OGG1: variants seen among roughly 807,000 people sequenced by gnomAD.
The protein encoded by OGG1 is 8-oxoguanine DNA glycosylase.
In OGG1, 35 loss-of-function variants were observed where a neutral mutation model predicts 42.3. The observed-to-expected ratio is 0.83, with a 90% CI of 0.63 to 1.10. The LOEUF (loss-of-function observed/expected upper bound fraction) is 1.10, where lower values mean the gene tolerates loss of function less well. Ranked by LOEUF, OGG1 falls within the 50% of genes least tolerant of loss-of-function variation. The pLI is 0.00. For missense variants in OGG1, 484 were observed against 446.7 expected, an observed-to-expected ratio of 1.08 and a Z score of -0.75; for synonymous variants, 189 against 179.0, an observed-to-expected ratio of 1.06 and a Z score of -0.44.
downstream of OGG1, chr3:9,789,470 T>C (rs1348497910): frequency 1.9e-6 from 3 of 1,584,020 alleles, no homozygotes; most frequent in Non-Finnish European, 2.6e-6. Context: ...CTGAACTCTC[T>C]TGTTCCGCAT....
intron 3 of OGG1, chr3:9,786,924 A>G: frequency 7.6e-7 from 1 of 1,307,730 alleles, no homozygotes; most frequent in Non-Finnish European, 1.1e-6. Context: ...TAATAAATGT[A>G]TGATAAATTC....
downstream of OGG1, chr3:9,790,109 C>A: frequency 9.3e-7 from 1 of 1,070,530 alleles, no homozygotes; most frequent in Non-Finnish European, 1.3e-6. Context: ...TCTTACTCAT[C>A]CTTCAAAATT....
exon 8 of OGG1, chr3:9,766,654 A>G: frequency 2.8e-6 from 3 of 1,055,652 alleles, no homozygotes; most frequent in Non-Finnish European, 3.5e-6. Flanking sequence ...AACTAAAGTT[A>G]ACTGATTAAA....
rs551836197 is a variant in OGG1, at chr3:9,777,863, A to AG, written c.295-3644dup. ...AACATGGAAGTGAGTGGTTAAGAGG[A>AG]GGGGGGTCTTCAAGCAGAGCTGCCA... On this transcript the variant is annotated intron_variant, in intron 2 of 3. Coordinates refer to the OGG1 transcript ENST00000426518. Among the ~76,000 whole-genome samples the AG allele has an allele frequency of 2.4e-3, 369 of 152,188 alleles. 5 individuals carry two copies. Among genetic ancestry groups the AG allele is most frequent in the Admixed American group, 0.02 (311 of 15,288 alleles).
At position 9,750,063 on chromosome 3, in the gene OGG1, C is replaced by A; in HGVS notation, c.-224C>A. The A allele has an allele frequency of 1.6e-6, 1 of 613,562 alleles. No homozygotes were observed. The highest frequency in any genetic ancestry group is 2.8e-6 in the Non-Finnish European group (1 of 354,018). The allele number at this position is 613,562 out of a possible 1,614,324, so 38.0% of individuals were successfully genotyped here. On this transcript the variant is annotated 5_prime_UTR_variant, in exon 1 of 7. Coordinates refer to ENST00000344629, the MANE Select transcript of OGG1 (RefSeq NM_002542.6). ...CAAGGAGGGGGCGGGACCTACACCTCAGGAAAGCCGGAGAATTGGGGCACG... is the reference window on the plus strand; with the variant it reads ...CAAGGAGGGGGCGGGACCTACACCTAAGGAAAGCCGGAGAATTGGGGCACG...
At chr3:9,759,160 C>T (rs769626758), downstream of OGG1, 8 of 1,540,332 alleles carry the variant, frequency 5.2e-6, no homozygotes, top group Admixed American at 1.2e-4. Context: ...TTCCGCTATG[C>T]CTCACTAATT....
At chr3:9,751,713 A>G in intron 2 of OGG1, 57 bp from the exon 3 acceptor site, 1 of 1,528,902 alleles carries the variant, frequency 6.5e-7, no homozygotes, top group Non-Finnish European at 9.1e-7. Flanking sequence ...TGTGGGTGGG[A>G]AGAGGCCACA....
chr3:9,759,044 C>T (rs1469134830), downstream of OGG1: 3 of 754,562 alleles, frequency 4.0e-6, no homozygotes, highest in African/African-American at 1.7e-5. Context: ...AGAGGCCTGG[C>T]CCCTTACCTG....
Position 9,756,784 on chromosome 3 carries a change from C to G in OGG1, c.916C>G (p.Leu306Val). The G allele has an allele frequency of 5.0e-6, 8 of 1,614,126 alleles. No individual in the cohort carries two copies. Among genetic ancestry groups the G allele is most frequent in the Non-Finnish European group, 6.8e-6 (8 of 1,180,008 alleles). The change falls in exon 6 of 7, where the codon CTG becomes GTG. Residue 306 changes from leucine (L) to valine (V), a missense_variant. By Grantham distance (32) the Leu-to-Val change is conservative (BLOSUM62 1). Coordinates refer to ENST00000344629, the MANE Select transcript of OGG1 (RefSeq NM_002542.6). Reference protein sequence around the residue: ...NKELGNFFRSLWGPYAGWAQA... With the variant: ...NKELGNFFRSVWGPYAGWAQA... Reference sequence around the variant, plus strand: ...TGATTTAGGAAACTTTTTCCGGAGCCTGTGGGGACCTTATGCTGGCTGGGC... The same window carrying G: ...TGATTTAGGAAACTTTTTCCGGAGCGTGTGGGGACCTTATGCTGGCTGGGC...
chr3:9,750,024 G>C lies in OGG1; in HGVS notation c.-263G>C. 1 of 538,990 alleles carries C rather than the reference G, an allele frequency of 1.9e-6. No homozygotes were observed. Among genetic ancestry groups the C allele is most frequent in the South Asian group, 2.5e-5 (1 of 40,682 alleles). 33.4% of individuals were successfully genotyped at this position (538,990 alleles called of 1,614,324 possible). A position where few individuals can be genotyped will look rare whatever the true frequency, so the allele number is the denominator to read the frequency against. On this transcript the variant is annotated 5_prime_UTR_variant, in exon 1 of 7. Transcript: ENST00000344629. Reference sequence around the variant, plus strand: ...GCGCGCCCACAGGCTCTGGGGGCGGGAGAAGATAAGTCGCAAGGAGGGGGC... The same window carrying C: ...GCGCGCCCACAGGCTCTGGGGGCGGCAGAAGATAAGTCGCAAGGAGGGGGC...
rs750621878 is a variant in OGG1, at chr3:9,754,913, C to G, written c.747+28C>G. The G allele has an allele frequency of 2.6e-5, 41 of 1,550,982 alleles. No individual in the cohort carries two copies. The South Asian group carries it at 3.9e-4, about 15-fold the overall frequency. ...GAGGCCCCAGGGGGTAGGAGCTGCCCTCTCTACTGACACTAAGAGGAGAGC... is the reference window on the plus strand; with the variant it reads ...GAGGCCCCAGGGGGTAGGAGCTGCCGTCTCTACTGACACTAAGAGGAGAGC... On this transcript the variant is annotated intron_variant, in intron 4 of 6. Transcript: ENST00000344629.
chr3:9,776,722 TTTGA>T (rs1195226833), intron 2 of OGG1, among the ~76,000 whole-genome samples: 1 of 152,124 alleles, frequency 6.6e-6, no homozygotes, highest in African/African-American at 2.4e-5. Flanking sequence ...GGCCTAGTGT[TTTGA>T]TTGTCTGTCT....
intron 2 of OGG1, among the ~76,000 whole-genome samples, chr3:9,776,840 T>C (rs2078372131): frequency 6.6e-6 from 1 of 152,136 alleles, no homozygotes; most frequent in Middle Eastern, 3.4e-3. Flanking sequence ...AGTGGAGGTG[T>C]GTGGATGGAG....
chr3:9,783,786 AC>A, intron 3 of OGG1: 1 of 677,810 alleles, frequency 1.5e-6, no homozygotes, highest in Non-Finnish European at 2.2e-6. Flanking sequence ...TCAAAAAAAA[AC>A]AAAACAAAAA....
At chr3:9,780,412 T>C (rs1389742894) in intron 2 of OGG1, 1 of 1,613,524 alleles carries the variant, frequency 6.2e-7, no homozygotes, top group African/African-American at 1.3e-5. Context: ...CTTCCAGGCC[T>C]GGTCCTTTTC....
intron 2 of OGG1, among the ~76,000 whole-genome samples, chr3:9,774,495 G>A (rs967638444): frequency 2.0e-5 from 3 of 150,220 alleles, no homozygotes; most frequent in Admixed American, 6.7e-5. Context: ...ACTCTACTCC[G>A]AAATGGTAGC....
intron 3 of OGG1, among the ~76,000 whole-genome samples, chr3:9,753,318 T>A (rs2077388800): frequency 7.4e-6 from 1 of 135,104 alleles, no homozygotes; most frequent in African/African-American, 2.9e-5. Context: ...CACTCCAGCC[T>A]GGGCGACAGG....
intron 3 of OGG1, among the ~76,000 whole-genome samples, chr3:9,784,478 T>C (rs552503472): frequency 1.3e-5 from 2 of 152,268 alleles, no homozygotes; most frequent in Non-Finnish European, 2.9e-5. Context: ...TGTTATATAT[T>C]ATTATATATA....
At chr3:9,782,908 AT>A (rs1320234515) in intron 3 of OGG1, among the ~76,000 whole-genome samples, 1 of 152,114 alleles carries the variant, frequency 6.6e-6, no homozygotes, top group East Asian at 1.9e-4. Flanking sequence ...TTGCTTCCCT[AT>A]CTCTTTACCT....
Sources: gnomAD v4.1 joint callset for allele counts (sites outside exome capture counted in the v4.1 genomes callset) on GRCh38, gnomAD v4.1.1 for gene constraint, MANE v1.5 for transcripts, NCBI Gene and HGNC (gene_info 2026-07-23, HGNC 2026-07-21) for gene names.